The following TRIM49 variants were observed in gnomAD, a reference collection of about 807,000 sequenced individuals.
The protein encoded by TRIM49 is tripartite motif containing 49.
In TRIM49, 5 loss-of-function variants were observed where a neutral mutation model predicts 27.4. That is an observed-to-expected ratio of 0.18 (90% CI 0.10 to 0.38). The LOEUF is 0.38. TRIM49 is among the 10% of genes least tolerant of loss of function. The pLI is 1.00. For missense variants in TRIM49, 188 were observed against 487.5 expected (o/e 0.39, Z 5.79); for synonymous variants, 69 against 166.0 (o/e 0.42, Z 4.49).
chr11:89,785,717 A>G, the TRIM49 span, among the ~76,000 whole-genome samples: 6 of 145,010 alleles, frequency 4.1e-5, no homozygotes, highest in South Asian at 1.3e-3. Context: ...AAAAAGAGTA[A>G]AGTTGAAAAT....
At chr11:89,794,002 C>T (rs1232335709), downstream of TRIM49, among the ~76,000 whole-genome samples, 3 of 144,010 alleles carry the variant, frequency 2.1e-5, no homozygotes, top group African/African-American at 5.2e-5. Context: ...TCGTCTCAGC[C>T]CAAAATCTCC....
the TRIM49 span, among the ~76,000 whole-genome samples, chr11:89,770,603 T>A: frequency 7.0e-6 from 1 of 142,388 alleles, no homozygotes; most frequent in African/African-American, 2.9e-5. Flanking sequence ...CTCACGCCTG[T>A]AATCCCAGCA....
the TRIM49 span, among the ~76,000 whole-genome samples, chr11:89,767,791 T>G: frequency 1.5e-5 from 2 of 135,032 alleles, no homozygotes; most frequent in Non-Finnish European, 3.0e-5. Flanking sequence ...GCTATGAAAC[T>G]TCACCTGAAA....
chr11:89,806,111 GTTCC>G (rs1949788028), intron 2 of TRIM49, among the ~76,000 whole-genome samples: 6 of 149,000 alleles, frequency 4.0e-5, no homozygotes, highest in Admixed American at 4.0e-4. Flanking sequence ...ATAGCCTATT[GTTCC>G]TACAATAGGC....
intron 2 of TRIM49, 94 bp from the exon 3 acceptor site, chr11:89,804,567 T>C (rs954445903): frequency 7.4e-7 from 1 of 1,346,106 alleles, no homozygotes; most frequent in Non-Finnish European, 1.0e-6. Flanking sequence ...TTTTCTTCTC[T>C]TGACAGTGTT....
chr11:89,808,511 T>A lies in TRIM49; in HGVS notation c.-265A>T, dbSNP rs1308103298. On this transcript the variant is annotated 5_prime_UTR_variant, in exon 1 of 8. Transcript: ENST00000329758. Reference sequence around the variant, plus strand: ...TCAGGAAAAGAAATCCCCCGCTGGCTGGATCCCAGTGGTCATGAATCAAAG... The same window carrying A: ...TCAGGAAAAGAAATCCCCCGCTGGCAGGATCCCAGTGGTCATGAATCAAAG... The A allele has an allele frequency of 6.6e-6, 1 of 151,118 alleles. No homozygotes were observed. Among genetic ancestry groups the A allele is most frequent in the African/African-American group, 2.5e-5 (1 of 40,464 alleles). The allele number at this position is 151,118 out of a possible 1,614,324, so 9.4% of individuals were successfully genotyped here.
chr11:89,783,622 A>G, the TRIM49 span, among the ~76,000 whole-genome samples: 1 of 138,574 alleles, frequency 7.2e-6, no homozygotes, highest in East Asian at 2.2e-4. Flanking sequence ...TTAAACTGAC[A>G]TATAAATTTA....
chr11:89,797,073 T>C (rs1452717925), downstream of TRIM49, among the ~76,000 whole-genome samples: 1 of 152,144 alleles, frequency 6.6e-6, no homozygotes, highest in Non-Finnish European at 1.5e-5. Flanking sequence ...TTGGTATTTT[T>C]TTATGAGGGC....
At chr11:89,801,212 A>T (rs1181068664) in intron 5 of TRIM49, among the ~76,000 whole-genome samples, 1 of 148,760 alleles carries the variant, frequency 6.7e-6, no homozygotes, top group East Asian at 2.0e-4. Context: ...TCTCTAAAGA[A>T]GTGAAGGGAG....
At chr11:89,790,280 C>T in the TRIM49 span, among the ~76,000 whole-genome samples, 1 of 139,960 alleles carries the variant, frequency 7.1e-6, no homozygotes, top group East Asian at 2.0e-4. Context: ...GGGTGGAGCC[C>T]ACTGCAGCTC....
downstream of TRIM49, among the ~76,000 whole-genome samples, chr11:89,793,421 A>G (rs1280355866): frequency 6.6e-6 from 1 of 152,184 alleles, no homozygotes; most frequent in African/African-American, 2.4e-5. Context: ...CTAGGCAGAG[A>G]CACAACAAAA....
At chr11:89,803,990 C>G in intron 3 of TRIM49, 69 bp downstream of exon 3, 1 of 1,611,590 alleles carries the variant, frequency 6.2e-7, no homozygotes. Context: ...TATCCAATCT[C>G]CAAGAAAATA....
chr11:89,808,047 T>G (rs1949800655), intron 1 of TRIM49, among the ~76,000 whole-genome samples: 1 of 108,832 alleles, frequency 9.2e-6, no homozygotes, highest in Admixed American at 9.1e-5. Flanking sequence ...TTTCTCCATA[T>G]AGTGCATGAT....
the TRIM49 span, among the ~76,000 whole-genome samples, chr11:89,783,463 T>C: frequency 9.1e-6 from 1 of 109,724 alleles, no homozygotes; most frequent in Non-Finnish European, 1.8e-5. Flanking sequence ...ATAATACTAT[T>C]ATGTTAGGGT....
intron 2 of TRIM49, among the ~76,000 whole-genome samples, chr11:89,805,696 T>C (rs1409249626): frequency 1.4e-5 from 2 of 148,112 alleles, no homozygotes; most frequent in African/African-American, 2.6e-5. Flanking sequence ...TTCTGAGAAA[T>C]GTGTCAGGTG....
At chr11:89,769,713 G>A in the TRIM49 span, among the ~76,000 whole-genome samples, 1 of 115,568 alleles carries the variant, frequency 8.7e-6, no homozygotes, top group Admixed American at 7.8e-5. Context: ...ATATCAGCAC[G>A]CACAAGGCCA....
chr11:89,791,426 C>T, the TRIM49 span, among the ~76,000 whole-genome samples: 257 of 151,230 alleles, frequency 1.7e-3, no homozygotes, highest in African/African-American at 6.0e-3. Flanking sequence ...AGAGCAACTC[C>T]CAAACACATA....
At chr11:89,803,341 T>C (rs1180431371) in intron 4 of TRIM49, among the ~76,000 whole-genome samples, 1 of 143,448 alleles carries the variant, frequency 7.0e-6, no homozygotes, top group Non-Finnish European at 1.5e-5. Context: ...CACTCAGAAG[T>C]TTCAGTTGAG....
At chr11:89,805,841 C>T (rs1273334959) in intron 2 of TRIM49, among the ~76,000 whole-genome samples, 1 of 149,086 alleles carries the variant, frequency 6.7e-6, no homozygotes, top group African/African-American at 2.5e-5. Flanking sequence ...CATCAGGTTC[C>T]CAAGTACCTG....
Sources: allele counts gnomAD v4.1 joint callset (sites outside exome capture counted in the v4.1 genomes callset), GRCh38; gene constraint gnomAD v4.1.1; transcripts MANE v1.5; gene names NCBI Gene and HGNC (gene_info 2026-07-23, HGNC 2026-07-21).